Variants in SRD5A2 observed in about 807,000 individuals in gnomAD.
SRD5A2 encodes steroid 5 alpha-reductase 2.
In SRD5A2, 30 loss-of-function variants were observed where a neutral mutation model predicts 27.4. The observed-to-expected ratio is 1.10, with a 90% CI of 0.82 to 1.49. The LOEUF is 1.49. Ranked by LOEUF, SRD5A2 falls within the 40% of genes most tolerant of loss-of-function variation. The probability of loss-of-function intolerance (pLI) is 0.00; values close to 1 mark genes in which losing one functional copy is unlikely to be tolerated. For synonymous variants in SRD5A2, 141 were observed against 133.6 expected, an observed-to-expected ratio of 1.06 and a Z score of -0.38; for missense variants, 348 against 323.4, an observed-to-expected ratio of 1.08 and a Z score of -0.58.
In SRD5A2 at chr2:31,564,275, T is replaced by C. The variant is rs574424836; in HGVS notation, c.281+16345A>G. Among the ~76,000 whole-genome samples, 3 of 151,182 alleles carry C rather than the reference T, an allele frequency of 2.0e-5. No individual in the cohort carries two copies. The East Asian group carries it at 5.8e-4, about 29-fold the overall frequency. On this transcript the variant is annotated intron_variant, in intron 1 of 4. Coordinates refer to ENST00000622030, the MANE Select transcript of SRD5A2 (RefSeq NM_000348.4). Reference sequence around the variant, plus strand: ...GAAACTACAATCCCTGAGATAAAAATACCAGAGATGGGATTAGCAACAGAT... The same window carrying C: ...GAAACTACAATCCCTGAGATAAAAACACCAGAGATGGGATTAGCAACAGAT...
chr2:31,525,321 A>C lies in SRD5A2; in HGVS notation c.*875T>G, dbSNP rs1341545548. The C allele has an allele frequency of 2.7e-5, 6 of 225,596 alleles. No individual in the cohort carries two copies. The highest frequency in any genetic ancestry group is 5.3e-5 in the Non-Finnish European group (6 of 113,242). 14.0% of individuals were successfully genotyped at this position (225,596 alleles called of 1,614,324 possible). A position where few individuals can be genotyped will look rare whatever the true frequency, so the allele number is the denominator to read the frequency against. On this transcript the variant is annotated 3_prime_UTR_variant, in exon 5 of 5. Transcript: ENST00000622030. ...TCATCATTAATTCTCTTTGTTTTAC[A>C]CTACTCATTATTTGGATATTGCCAC...
the SRD5A2 span, among the ~76,000 whole-genome samples, chr2:31,598,736 A>G: frequency 2.0e-5 from 3 of 152,188 alleles, no homozygotes; most frequent in East Asian, 3.9e-4. Context: ...TTACTAAAGG[A>G]AGACAGGAAG....
intron 1 of SRD5A2, among the ~76,000 whole-genome samples, chr2:31,558,423 C>T (rs1666545548): frequency 1.3e-5 from 2 of 152,206 alleles, no homozygotes; most frequent in South Asian, 4.1e-4. Flanking sequence ...AGCCATGCTT[C>T]CTCTAAAGGC....
rs1391018194 is a variant in SRD5A2, at chr2:31,523,709, C to G, written c.*2487G>C. 9.0e-6 allele frequency: 2 copies of G among 221,314 alleles called. No individual in the cohort carries two copies. The highest frequency in any genetic ancestry group is 2.2e-5 in the African/African-American group (1 of 44,800). 13.7% of individuals were successfully genotyped at this position (221,314 alleles called of 1,614,324 possible). A position where few individuals can be genotyped will look rare whatever the true frequency, so the allele number is the denominator to read the frequency against. Reference sequence around the variant, plus strand: ...TAGATTATTTTAGCCAAAAAACAGTCCATGGAAACCTCAATTAACTATAAT... The same window carrying G: ...TAGATTATTTTAGCCAAAAAACAGTGCATGGAAACCTCAATTAACTATAAT... On this transcript the variant is annotated 3_prime_UTR_variant, in exon 5 of 5. Coordinates refer to ENST00000622030, the MANE Select transcript of SRD5A2 (RefSeq NM_000348.4).
chr2:31,562,269 T>C (rs1051146698), intron 1 of SRD5A2, among the ~76,000 whole-genome samples: 3 of 152,118 alleles, frequency 2.0e-5, no homozygotes, highest in African/African-American at 7.2e-5. Flanking sequence ...GGGTATATAG[T>C]GTATATGTTT....
intron 1 of SRD5A2, among the ~76,000 whole-genome samples, chr2:31,553,307 A>T (rs907412414): frequency 1.3e-5 from 2 of 152,156 alleles, no homozygotes; most frequent in African/African-American, 4.8e-5. Flanking sequence ...AAATATATAC[A>T]TTATGGTGAT....
the SRD5A2 span, among the ~76,000 whole-genome samples, chr2:31,592,100 A>C: frequency 6.6e-6 from 1 of 151,756 alleles, no homozygotes; most frequent in Non-Finnish European, 1.5e-5. Flanking sequence ...AAAAAAAAAC[A>C]AAAATAAAAA....
chr2:31,643,595 A>G, the SRD5A2 span, among the ~76,000 whole-genome samples: 2 of 152,138 alleles, frequency 1.3e-5, no homozygotes, highest in Non-Finnish European at 2.9e-5. Context: ...ACCAAAAGGA[A>G]CTAATGCACT....
chr2:31,523,068 C>T lies in SRD5A2; in HGVS notation c.*3128G>A, dbSNP rs1293870432. The T allele has an allele frequency of 4.6e-6, 1 of 217,952 alleles. No homozygotes were observed. Among genetic ancestry groups the T allele is most frequent in the African/African-American group, 2.2e-5 (1 of 44,468 alleles). The allele number at this position is 217,952 out of a possible 1,614,324, so 13.5% of individuals were successfully genotyped here. A position where few individuals can be genotyped will look rare whatever the true frequency, so the allele number is the denominator to read the frequency against. On this transcript the variant is annotated 3_prime_UTR_variant, in exon 5 of 5. Transcript: ENST00000622030. ...TATTTCTCATTAGAGCTCCTTTTTC[C>T]TTTTAGAATACAGTGGAGCCACTGT...
the SRD5A2 span, among the ~76,000 whole-genome samples, chr2:31,613,790 A>T: frequency 6.6e-6 from 1 of 152,044 alleles, no homozygotes; most frequent in Admixed American, 6.6e-5. Context: ...TCACAATCAC[A>T]GTGGAGGGCA....
At chr2:31,562,507 C>A (rs1666645325) in intron 1 of SRD5A2, among the ~76,000 whole-genome samples, 1 of 152,142 alleles carries the variant, frequency 6.6e-6, no homozygotes, top group African/African-American at 2.4e-5. Context: ...TACCCATTAA[C>A]AATCCCAAGT....
the SRD5A2 span, among the ~76,000 whole-genome samples, chr2:31,647,314 A>G: frequency 2.6e-5 from 4 of 152,156 alleles, no homozygotes; most frequent in Middle Eastern, 3.2e-3. Flanking sequence ...GAAATTCTGC[A>G]TTTCTAACAA....
intron 1 of SRD5A2, among the ~76,000 whole-genome samples, chr2:31,567,753 T>G (rs1666763454): frequency 6.6e-6 from 1 of 152,194 alleles, no homozygotes; most frequent in Non-Finnish European, 1.5e-5. Context: ...AGTCTTTGTG[T>G]CACGAGATCC....
intron 1 of SRD5A2, among the ~76,000 whole-genome samples, chr2:31,579,928 C>T (rs28382996): frequency 6.6e-6 from 1 of 152,278 alleles, no homozygotes; most frequent in African/African-American, 2.4e-5. Context: ...CATTTCAAGT[C>T]CCAGGGAAAT....
intron 1 of SRD5A2, among the ~76,000 whole-genome samples, chr2:31,550,485 T>C (rs79547539): frequency 2.7e-5 from 4 of 150,940 alleles, no homozygotes; most frequent in African/African-American, 9.7e-5. Context: ...CCCATAAAAA[T>C]TGATGCAAAA....
At chr2:31,577,332 T>C (rs1039933009) in intron 1 of SRD5A2, among the ~76,000 whole-genome samples, 1 of 151,960 alleles carries the variant, frequency 6.6e-6, no homozygotes, top group East Asian at 1.9e-4. Flanking sequence ...GACCTAACTA[T>C]GCAATCTCAG....
the SRD5A2 span, among the ~76,000 whole-genome samples, chr2:31,603,312 C>A: frequency 6.6e-6 from 1 of 152,006 alleles, no homozygotes; most frequent in South Asian, 2.1e-4. Context: ...AGCTTAATAT[C>A]ACTGATCATT....
At chr2:31,658,630 T>A in the SRD5A2 span, among the ~76,000 whole-genome samples, 1 of 150,196 alleles carries the variant, frequency 6.7e-6, no homozygotes, top group African/African-American at 2.4e-5. Flanking sequence ...AAGAAATGGA[T>A]AAATTCCTGG....
intron 1 of SRD5A2, among the ~76,000 whole-genome samples, chr2:31,555,677 T>C (rs894346619): frequency 6.6e-6 from 1 of 152,208 alleles, no homozygotes; most frequent in Non-Finnish European, 1.5e-5. Context: ...TTTCCAGTTA[T>C]GAGAGTTAAT....
Sources: allele counts gnomAD v4.1 joint callset (sites outside exome capture counted in the v4.1 genomes callset), GRCh38; gene constraint gnomAD v4.1.1; transcripts MANE v1.5; gene names NCBI Gene and HGNC (gene_info 2026-07-23, HGNC 2026-07-21).